PALLD: variants seen among roughly 807,000 people sequenced by gnomAD.
PALLD encodes palladin.
A neutral mutation model predicts 123.5 loss-of-function variants in PALLD; 61 were observed. The observed-to-expected ratio is 0.49, with a 90% confidence interval of 0.40 to 0.61. PALLD has a LOEUF of 0.61. PALLD is among the 20% of genes least tolerant of loss of function. PALLD has a pLI of 0.00. For missense variants in PALLD, 1,273 were observed against 1,377.0 expected, an observed-to-expected ratio of 0.92 and a Z score of 1.20; for synonymous variants, 465 against 496.4, an observed-to-expected ratio of 0.94 and a Z score of 0.84.
rs1759992384 is a variant in PALLD, at chr4:168,915,895, G to GC, written c.2720dup (p.Arg908SerfsTer3). The GC allele has an allele frequency of 6.2e-7, 1 of 1,611,566 alleles. No homozygotes were observed. The highest frequency in any genetic ancestry group is 1.3e-5 in the African/African-American group (1 of 74,834). On this transcript the variant is annotated frameshift_variant and splice_region_variant, in exon 17 of 22. Coordinates refer to ENST00000505667, the MANE Select transcript of PALLD (RefSeq NM_001166108.2). LOFTEE classifies it high-confidence loss of function. Reference sequence around the variant, plus strand: ...TATCTGTCATCTTTCTTGTTTCAAGGCCTCGTTCTAGATCAAGGGACAGTG... The same window carrying GC: ...TATCTGTCATCTTTCTTGTTTCAAGGCCCTCGTTCTAGATCAAGGGACAGTG...
intron 2 of PALLD, among the ~76,000 whole-genome samples, chr4:168,543,745 C>T (rs953439217): frequency 3.9e-5 from 6 of 152,202 alleles, no homozygotes; most frequent in African/African-American, 1.2e-4. Context: ...TTGGCTCCCT[C>T]CAGCCTTTCG....
chr4:168,696,003 A>G (rs1783096864), intron 8 of PALLD, among the ~76,000 whole-genome samples: 1 of 152,072 alleles, frequency 6.6e-6, no homozygotes, highest in African/African-American at 2.4e-5. Context: ...GGGGTCACAT[A>G]TAAAATACAC....
At chr4:168,876,969 TC>T (rs1412227256) in intron 10 of PALLD, among the ~76,000 whole-genome samples, 1 of 152,198 alleles carries the variant, frequency 6.6e-6, no homozygotes, top group Non-Finnish European at 1.5e-5. Context: ...ATTTGAACTA[TC>T]TCTTCTCAAT....
intron 10 of PALLD, among the ~76,000 whole-genome samples, chr4:168,854,864 A>C (rs1017126101): frequency 6.6e-6 from 1 of 152,154 alleles, no homozygotes; most frequent in African/African-American, 2.4e-5. Context: ...CCAGGTCAGG[A>C]GGGAAGCAAC....
At chr4:168,507,029 A>G (rs774611832) in intron 1 of PALLD, among the ~76,000 whole-genome samples, 5 of 152,168 alleles carry the variant, frequency 3.3e-5, no homozygotes, top group African/African-American at 2.4e-5. Context: ...CCATAGGCTA[A>G]TAATCCCCAA....
intron 10 of PALLD, among the ~76,000 whole-genome samples, chr4:168,809,555 T>C (rs1740758335): frequency 6.6e-6 from 1 of 152,050 alleles, no homozygotes; most frequent in South Asian, 2.1e-4. Flanking sequence ...CTCTGGAAAA[T>C]GTCTGTATTC....
chr4:168,649,617 CA>C (rs1777828559), intron 2 of PALLD, among the ~76,000 whole-genome samples: 1 of 152,172 alleles, frequency 6.6e-6, no homozygotes, highest in Admixed American at 6.5e-5. Flanking sequence ...TATTGGGTAA[CA>C]TGCATCAAGC....
At chr4:168,871,826 C>T (rs1015099230) in intron 10 of PALLD, among the ~76,000 whole-genome samples, 2 of 152,178 alleles carry the variant, frequency 1.3e-5, no homozygotes, top group African/African-American at 4.8e-5. Flanking sequence ...AAGCCTGTCC[C>T]TTATCATATG....
chr4:168,615,188 T>C lies in PALLD; in HGVS notation c.909-53002T>C, dbSNP rs532491532. 1.5e-3 allele frequency among the ~76,000 whole-genome samples: 234 copies of C among 151,788 alleles called. 1 individual carries two copies. The highest frequency in any genetic ancestry group is 2.9e-3 in the Non-Finnish European group (198 of 67,932). ...AAAAAAAAAAAAACTTTATAAAGCA[T>C]TACATTAAAAAATTCATACAAAAGG... On this transcript the variant is annotated intron_variant, in intron 2 of 21. Transcript: ENST00000505667.
chr4:168,585,564 T>A (rs1034786307), intron 2 of PALLD, among the ~76,000 whole-genome samples: 1 of 146,094 alleles, frequency 6.8e-6, no homozygotes. Context: ...GAAGGCACTC[T>A]TAGATAGAAG....
chr4:168,846,776 A>T (rs1441842748), intron 10 of PALLD, among the ~76,000 whole-genome samples: 1 of 152,182 alleles, frequency 6.6e-6, no homozygotes, highest in Non-Finnish European at 1.5e-5. Flanking sequence ...TGGGTATGGT[A>T]CCCACACTGG....
At chr4:168,794,423 G>A (rs1048495804) in intron 10 of PALLD, among the ~76,000 whole-genome samples, 31 of 149,630 alleles carry the variant, frequency 2.1e-4, no homozygotes, top group African/African-American at 6.9e-4. Flanking sequence ...ATGCGCACAC[G>A]CATGCGCGCG....
intron 2 of PALLD, among the ~76,000 whole-genome samples, chr4:168,604,025 T>C (rs7681805): frequency 2.6e-5 from 4 of 152,062 alleles, no homozygotes; most frequent in African/African-American, 9.7e-5. Context: ...TGGAAAAAAC[T>C]ATTCTACATT....
Position 168,924,245 on chromosome 4 carries a change from GT to G in PALLD, c.3059-6del, listed in dbSNP as rs755470870. On this transcript the variant is annotated splice_polypyrimidine_tract_variant and intron_variant, in intron 18 of 21. Transcript: ENST00000505667. ...ATCATTGATAGAGAATTCATCTCAT[GT>G]TTTCTTAGCTAAAGAAGCACACAAA... is the stretch of plus-strand genomic sequence containing the variant. The G allele has an allele frequency of 6.2e-6, 10 of 1,612,642 alleles. No individual in the cohort carries two copies. Among genetic ancestry groups the G allele is most frequent in the Non-Finnish European group, 8.5e-6 (10 of 1,178,828 alleles).
intron 10 of PALLD, among the ~76,000 whole-genome samples, chr4:168,806,182 A>G (rs1293867060): frequency 1.3e-5 from 2 of 152,190 alleles, no homozygotes. Flanking sequence ...CTGCCTCATC[A>G]GCCTCTCAAG....
At chr4:168,663,478 G>A (rs1779320582) in intron 2 of PALLD, among the ~76,000 whole-genome samples, 1 of 152,118 alleles carries the variant, frequency 6.6e-6, no homozygotes, top group African/African-American at 2.4e-5. Flanking sequence ...GGGTTGATGT[G>A]GGGAGGGAAG....
At chr4:168,711,447 T>G (rs904391654) in intron 9 of PALLD, 134 bp from the exon 10 acceptor site, 13 of 723,246 alleles carry the variant, frequency 1.8e-5, no homozygotes, top group Non-Finnish European at 2.7e-5. Context: ...CTGCGTCAGA[T>G]GAGAGCAGCA....
intron 20 of PALLD, 62 bp from the exon 21 acceptor site, chr4:168,925,171 C>CAACT (rs1322070734): frequency 2.5e-6 from 4 of 1,579,288 alleles, no homozygotes; most frequent in East Asian, 2.2e-5. Flanking sequence ...TCTTTATAAA[C>CAACT]AACTATTGTG....
At chr4:168,911,889 T>C (rs556373346) in intron 15 of PALLD, among the ~76,000 whole-genome samples, 1 of 152,294 alleles carries the variant, frequency 6.6e-6, no homozygotes, top group African/African-American at 2.4e-5. Context: ...GAGTCACATA[T>C]GTAGTGGTAT....
Sources: gnomAD v4.1 joint callset for allele counts (sites outside exome capture counted in the v4.1 genomes callset) on GRCh38, gnomAD v4.1.1 for gene constraint, MANE v1.5 for transcripts, NCBI Gene and HGNC (gene_info 2026-07-23, HGNC 2026-07-21) for gene names.